Variants in FNDC3A observed in about 807,000 individuals in gnomAD.
FNDC3A encodes the protein fibronectin type III domain containing 3A.
A neutral mutation model predicts 148.9 loss-of-function variants in FNDC3A; 32 were observed. The ratio of observed to expected loss-of-function variants is 0.21; its 90% confidence interval spans 0.16 to 0.29. The LOEUF is 0.29. FNDC3A is among the 10% of genes least tolerant of loss of function. FNDC3A has a pLI of 1.00. For missense variants in FNDC3A, 1,191 were observed against 1,452.8 expected (o/e 0.82, Z 2.93); for synonymous variants, 472 against 473.6 (o/e 1.00, Z 0.04).
At chr13:49,188,743 T>C in intron 17 of FNDC3A, 110 bp downstream of exon 17, 1 of 725,614 alleles carries the variant, frequency 1.4e-6, no homozygotes, top group Non-Finnish European at 2.5e-6. Context: ...TGGAGAAAAG[T>C]AACTTCTGTA....
chr13:49,153,071 C>T (rs1883418773), intron 8 of FNDC3A, among the ~76,000 whole-genome samples: 1 of 151,960 alleles, frequency 6.6e-6, no homozygotes, highest in African/African-American at 2.4e-5. Flanking sequence ...ATTTCTACTT[C>T]TAGATCCCTG....
chr13:48,994,180 A>T (rs1354896483), intron 1 of FNDC3A, among the ~76,000 whole-genome samples: 1 of 152,228 alleles, frequency 6.6e-6, no homozygotes, highest in Non-Finnish European at 1.5e-5. Context: ...TCAAAAATAA[A>T]AAAGTAGACC....
chr13:49,176,836 T>A (rs1172253242), intron 13 of FNDC3A, among the ~76,000 whole-genome samples: 2 of 152,188 alleles, frequency 1.3e-5, no homozygotes, highest in East Asian at 1.9e-4. Flanking sequence ...GGTCTTGCTC[T>A]GTAGCCCAGG....
chr13:49,153,578 C>A, intron 8 of FNDC3A, among the ~76,000 whole-genome samples: 1 of 152,272 alleles, frequency 6.6e-6, no homozygotes, highest in East Asian at 1.9e-4. Flanking sequence ...GTGTTTTAGA[C>A]AGGAAGTCCT....
intron 2 of FNDC3A, among the ~76,000 whole-genome samples, chr13:49,059,550 G>A (rs1232698770): frequency 6.6e-6 from 1 of 152,166 alleles, no homozygotes; most frequent in Non-Finnish European, 1.5e-5. Flanking sequence ...CAGCCTCCTG[G>A]GTTCAAGTGA....
At chr13:49,151,608 G>C (rs1040194489) in intron 8 of FNDC3A, among the ~76,000 whole-genome samples, 1 of 151,752 alleles carries the variant, frequency 6.6e-6, no homozygotes, top group Admixed American at 6.6e-5. Context: ...TAAGTTATAG[G>C]GTACATGTGC....
intron 2 of FNDC3A, among the ~76,000 whole-genome samples, chr13:49,014,840 A>G (rs1445791977): frequency 7.0e-6 from 1 of 142,572 alleles, no homozygotes; most frequent in African/African-American, 2.6e-5. Flanking sequence ...TCCCAGCACC[A>G]TTTATTAAAT....
intron 1 of FNDC3A, among the ~76,000 whole-genome samples, chr13:49,002,698 T>C (rs1241627525): frequency 2.6e-5 from 4 of 152,226 alleles, no homozygotes; most frequent in Admixed American, 2.0e-4. Context: ...AATAAAATTA[T>C]GTAGCCTGTA....
intron 19 of FNDC3A, among the ~76,000 whole-genome samples, chr13:49,193,385 T>C (rs551924670): frequency 6.6e-6 from 1 of 152,186 alleles, no homozygotes; most frequent in South Asian, 2.1e-4. Context: ...CTCAGCCTCC[T>C]GAGTAGCAGG....
At chr13:49,083,122 T>G (rs1878587265) in intron 3 of FNDC3A, among the ~76,000 whole-genome samples, 2 of 152,158 alleles carry the variant, frequency 1.3e-5, no homozygotes, top group African/African-American at 4.8e-5. Context: ...CCTCCTCCAC[T>G]AAGAACTCAG....
intron 11 of FNDC3A, among the ~76,000 whole-genome samples, chr13:49,174,159 C>G (rs1884906434): frequency 6.6e-6 from 1 of 152,134 alleles, no homozygotes; most frequent in African/African-American, 2.4e-5. Context: ...AGGGTCCATA[C>G]CTGCAGAGTT....
intron 3 of FNDC3A, among the ~76,000 whole-genome samples, chr13:49,079,347 A>T (rs1878325396): frequency 6.6e-6 from 1 of 152,222 alleles, no homozygotes; most frequent in African/African-American, 2.4e-5. Flanking sequence ...GGGAAAATTA[A>T]CAGTTGTATT....
chr13:49,160,317 G>C (rs888011516), intron 8 of FNDC3A, among the ~76,000 whole-genome samples: 3 of 152,054 alleles, frequency 2.0e-5, no homozygotes, highest in African/African-American at 7.2e-5. Flanking sequence ...GTCTATTCAG[G>C]GATTCGACTT....
rs1377519515 is a variant in FNDC3A, at chr13:49,209,480, A to G, written c.*2085A>G. The G allele has an allele frequency of 3.3e-5, 5 of 152,778 alleles. No homozygotes were observed. The highest frequency in any genetic ancestry group is 6.8e-3 in the Middle Eastern group (2 of 294). 9.5% of individuals were successfully genotyped at this position (152,778 alleles called of 1,614,324 possible). On this transcript the variant is annotated 3_prime_UTR_variant, in exon 26 of 26. Transcript: ENST00000492622. ...ACCAAACATATCACCTTAAAATTGT[A>G]TAAGGCTGAATGAACTTCATACAAA... is the stretch of plus-strand genomic sequence containing the variant.
At position 49,188,658 on chromosome 13, in the gene FNDC3A, T is replaced by C. The variant is rs768665909; in HGVS notation, c.1944+25T>C. On this transcript the variant is annotated intron_variant, in intron 17 of 25. Coordinates refer to ENST00000492622, the MANE Select transcript of FNDC3A (RefSeq NM_001079673.2). The stretch of plus-strand genomic sequence containing the variant: ...GGTAATACTTATATGTAGATTCTTT[T>C]GTGTTGTTATTAAGTTTGGCCAAAT... 7 of 1,506,006 alleles carry C rather than the reference T, an allele frequency of 4.6e-6. No homozygotes were observed. The South Asian group carries it at 7.9e-5, about 17-fold the overall frequency. The allele number at this position is 1,506,006 out of a possible 1,614,324, so 93.3% of individuals were successfully genotyped here.
intron 11 of FNDC3A, among the ~76,000 whole-genome samples, chr13:49,173,361 A>T (rs969829933): frequency 2.6e-5 from 4 of 152,242 alleles, no homozygotes; most frequent in African/African-American, 4.8e-5. Flanking sequence ...ATTAATTTAG[A>T]AGAAAACTAT....
chr13:49,016,506 G>C (rs960567099), intron 2 of FNDC3A, among the ~76,000 whole-genome samples: 1 of 151,506 alleles, frequency 6.6e-6, no homozygotes, highest in Non-Finnish European at 1.5e-5. Context: ...TTCTTTATTA[G>C]TCTTGCTAGT....
rs777980186 is a variant in FNDC3A at position 49,186,054 on chromosome 13, C to G, written c.1708C>G (p.Pro570Ala). Reference sequence around the variant, plus strand: ...TGATAAACCAGGCATACCTGTAAAGCCTTCAGTGAAAGGAAAGATACATTC... The same window carrying G: ...TGATAAACCAGGCATACCTGTAAAGGCTTCAGTGAAAGGAAAGATACATTC... ...CPDKPGIPVK[P>A]SVKGKIHSHS... Residue 570 changes from proline (P) to alanine (A), a missense_variant, in exon 15 of 26, where the codon CCT becomes GCT. Physicochemically the swap from Pro to Ala is conservative, Grantham distance 27. Coordinates refer to ENST00000492622, the MANE Select transcript of FNDC3A (RefSeq NM_001079673.2). The G allele has an allele frequency of 1.0e-4, 162 of 1,612,474 alleles. 1 individual carries two copies. The Admixed American group carries it at 2.7e-3, about 27-fold the overall frequency.
intron 13 of FNDC3A, among the ~76,000 whole-genome samples, chr13:49,177,922 A>T (rs751713639): frequency 6.6e-6 from 1 of 152,230 alleles, no homozygotes; most frequent in Admixed American, 6.5e-5. Flanking sequence ...TTTTTCTGAA[A>T]TTAGGAATTA....
Sources: gnomAD v4.1 joint callset for allele counts (sites outside exome capture counted in the v4.1 genomes callset) on GRCh38, gnomAD v4.1.1 for gene constraint, MANE v1.5 for transcripts, NCBI Gene and HGNC (gene_info 2026-07-23, HGNC 2026-07-21) for gene names.